The following MYBPHL variants were observed in gnomAD, a reference collection of about 807,000 sequenced individuals.
The protein encoded by MYBPHL is myosin-binding protein H-like.
A neutral mutation model predicts 39.5 loss-of-function variants in MYBPHL; 32 were observed. The observed-to-expected ratio is 0.81, with a 90% CI of 0.61 to 1.09. The LOEUF (loss-of-function observed/expected upper bound fraction) is 1.09, where lower values mean the gene tolerates loss of function less well. Among genes scored for constraint, MYBPHL ranks in the 50% least tolerant of loss-of-function variants. The probability of loss-of-function intolerance (pLI) is 0.00; values close to 1 mark genes in which losing one functional copy is unlikely to be tolerated. For missense variants in MYBPHL, 456 were observed against 460.2 expected (o/e 0.99, Z 0.08); for synonymous variants, 196 against 183.7 (o/e 1.07, Z -0.54).
At chr1:109,297,393 C>G in intron 3 of MYBPHL, 29 bp downstream of exon 3, 2 of 1,596,246 alleles carry the variant, frequency 1.3e-6, no homozygotes, top group South Asian at 2.3e-5. Flanking sequence ...TCCTGAGGAC[C>G]CCCCCATCTC....
Position 109,295,288 on chromosome 1 carries a change from T to C in MYBPHL, c.877A>G (p.Ile293Val). ...ATATCCATCTTGTTCTTCAGCCAGATGATCTTGGGCTGGAAGACAAAGATG... is the reference window on the plus strand; with the variant it reads ...ATATCCATCTTGTTCTTCAGCCAGACGATCTTGGGCTGGAAGACAAAGATG... ...CVRASPRPKI[I>V]WLKNKMDIQG... Residue 293 changes from isoleucine to valine, a missense_variant, in exon 7 of 9, where the codon ATC becomes GTC. Physicochemically the swap from Ile to Val is conservative, Grantham distance 29 (BLOSUM62 3). Coordinates refer to ENST00000357155, the MANE Select transcript of MYBPHL (RefSeq NM_001010985.3). 6.2e-7 allele frequency: 1 copy of C among 1,613,850 alleles called. No homozygotes were observed. The highest frequency in any genetic ancestry group is 8.5e-7 in the Non-Finnish European group (1 of 1,179,846).
chr1:109,301,462 C>T (rs781724535), intron 1 of MYBPHL, among the ~76,000 whole-genome samples: 71 of 152,226 alleles, frequency 4.7e-4, no homozygotes, highest in Middle Eastern at 6.8e-3. Flanking sequence ...TACTTCAGGC[C>T]GGGCGCAGTG....
At position 109,298,449 on chromosome 1, in the gene MYBPHL, G is replaced by A. The variant is rs61290234; in HGVS notation, c.146-192C>T. Among the ~76,000 whole-genome samples, 4,786 of 152,196 alleles carry A rather than the reference G, an allele frequency of 0.031. 264 individuals carry two copies. Among genetic ancestry groups the A allele is most frequent in the African/African-American group, 0.11 (4,559 of 41,496 alleles). On this transcript the variant is annotated intron_variant, in intron 1 of 8. Transcript: ENST00000357155. ...AGGGGTTGGCTTAAGGAACACCCCG[G>A]GAAACATTAAAGTCTCAGCAGAAGG... is the stretch of plus-strand genomic sequence containing the variant.
In MYBPHL at chr1:109,296,993, C is replaced by T. The variant is rs763277166; in HGVS notation, c.571-51G>A. The T allele has an allele frequency of 3.1e-6, 5 of 1,613,926 alleles. No individual in the cohort carries two copies. In the South Asian group the frequency reaches 5.5e-5, roughly 18 times the overall value. ...AATCAGCCACCCCATGTGGAGCTAC[C>T]AGAGGCCTGTCCCAACATGCCCTCT... On this transcript the variant is annotated intron_variant, in intron 4 of 8. Transcript: ENST00000357155.
At chr1:109,306,016 A>C (rs1245111421) in intron 1 of MYBPHL, among the ~76,000 whole-genome samples, 1 of 152,242 alleles carries the variant, frequency 6.6e-6, no homozygotes, top group East Asian at 1.9e-4. Context: ...TAGAGGCGGC[A>C]CTAGGAATTG....
chr1:109,300,410 A>G (rs1251725035), intron 1 of MYBPHL, among the ~76,000 whole-genome samples: 2 of 152,198 alleles, frequency 1.3e-5, no homozygotes, highest in African/African-American at 2.4e-5. Flanking sequence ...GGCGGGGGCT[A>G]GACATACCCA....
chr1:109,300,240 G>T (rs138612976), intron 1 of MYBPHL, among the ~76,000 whole-genome samples: 1 of 152,282 alleles, frequency 6.6e-6, no homozygotes, highest in East Asian at 1.9e-4. Flanking sequence ...GACGTGCCTG[G>T]CACCAGAGAC....
chr1:109,297,728 G>A (rs1336789298), intron 2 of MYBPHL, 111 bp from the exon 3 acceptor site: 5 of 967,418 alleles, frequency 5.2e-6, no homozygotes, highest in Admixed American at 5.6e-5. Context: ...ACTTGGAGCT[G>A]CACATTCCTT....
chr1:109,298,933 C>T (rs1658184520), intron 1 of MYBPHL, among the ~76,000 whole-genome samples: 1 of 152,194 alleles, frequency 6.6e-6, no homozygotes, highest in African/African-American at 2.4e-5. Flanking sequence ...TCCCTTTGAT[C>T]TCACAGGTCT....
rs1557763067 is a variant in MYBPHL, at chr1:109,296,957, A to G, written c.571-15T>C. 5.6e-6 allele frequency: 9 copies of G among 1,613,982 alleles called. No homozygotes were observed. Among genetic ancestry groups the G allele is most frequent in the Non-Finnish European group, 7.6e-6 (9 of 1,179,878 alleles). ...GTGAACCACAGCTGCGGGGCCGAAC[A>G]TGATGCCAGAAATCAGCCACCCCAT... On this transcript the variant is annotated splice_polypyrimidine_tract_variant and intron_variant, in intron 4 of 8. Transcript: ENST00000357155.
At chr1:109,306,068 T>C (rs758224811) in intron 1 of MYBPHL, among the ~76,000 whole-genome samples, 4 of 152,230 alleles carry the variant, frequency 2.6e-5, no homozygotes, top group East Asian at 1.9e-4. Context: ...TCTTTTCCCC[T>C]GCCTCTTCCT....
At chr1:109,297,300 C>G in intron 3 of MYBPHL, 111 bp from the exon 4 acceptor site, 3 of 1,570,346 alleles carry the variant, frequency 1.9e-6, no homozygotes, top group Non-Finnish European at 2.6e-6. Flanking sequence ...TGCGCCCACC[C>G]TGTGTCCCAG....
intron 5 of MYBPHL, 138 bp downstream of exon 5, chr1:109,296,645 T>A (rs190499461): frequency 1.1e-3 from 1,134 of 1,036,026 alleles, no homozygotes; most frequent in Non-Finnish European, 1.5e-3. Context: ...CACCATGTTG[T>A]CCAGGCTGGT....
rs754796108 is a variant in MYBPHL at position 109,297,045 on chromosome 1, C to G, written c.570+5G>C. The G allele has an allele frequency of 6.2e-7, 1 of 1,614,148 alleles. No individual in the cohort carries two copies. Among genetic ancestry groups the G allele is most frequent in the Non-Finnish European group, 8.5e-7 (1 of 1,180,026 alleles). ...CCACCCTCCTTCCTTCCCAGCTGGC[C>G]TCACCCCGGATTTTGTGTCAGCCTT... On this transcript the variant is annotated splice_donor_5th_base_variant and intron_variant, in intron 4 of 8. Coordinates refer to ENST00000357155, the MANE Select transcript of MYBPHL (RefSeq NM_001010985.3).
intron 1 of MYBPHL, among the ~76,000 whole-genome samples, chr1:109,303,183 T>C (rs1002064306): frequency 2.0e-5 from 3 of 152,236 alleles, no homozygotes; most frequent in Non-Finnish European, 4.4e-5. Flanking sequence ...TTTATCCCTT[T>C]AGCTCACTTC....
intron 8 of MYBPHL, among the ~76,000 whole-genome samples, chr1:109,293,579 TA>T (rs796606696): frequency 9.4e-4 from 134 of 142,610 alleles, no homozygotes; most frequent in African/African-American, 2.2e-3. Flanking sequence ...CCGTCTCTAC[TA>T]AAAAAAAAAA....
intron 1 of MYBPHL, among the ~76,000 whole-genome samples, chr1:109,300,829 T>C (rs935256316): frequency 5.3e-5 from 8 of 152,144 alleles, no homozygotes; most frequent in African/African-American, 1.9e-4. Flanking sequence ...CATTGCCGGT[T>C]CTCTGCTTAT....
In MYBPHL at chr1:109,306,852, A is replaced by G; in HGVS notation, c.140T>C (p.Ile47Thr). The G allele has an allele frequency of 6.3e-7, 1 of 1,579,776 alleles. No individual in the cohort carries two copies. Among genetic ancestry groups the G allele is most frequent in the South Asian group, 1.2e-5 (1 of 86,344 alleles). The change falls in exon 1 of 9, where the codon ATA becomes ACA. Residue 47 changes from isoleucine (I) to threonine (T), a missense_variant. By Grantham distance (89) the Ile-to-Thr change is moderately conservative. Transcript: ENST00000357155. ...GSPTPQLLPP[I>T]EEHPKIWLPR... The stretch of plus-strand genomic sequence containing the variant: ...CCCCACCTGCCATGGGTCACCTTCT[A>G]TAGGGGGCAGGAGCTGGGGAGTGGG...
rs1045427727 is a variant in MYBPHL, at chr1:109,297,294, C to T, written c.431-105G>A. 2.5e-6 allele frequency: 4 copies of T among 1,574,036 alleles called. No homozygotes were observed. The East Asian group carries it at 6.7e-5, about 27-fold the overall frequency. On this transcript the variant is annotated intron_variant, in intron 3 of 8. Coordinates refer to ENST00000357155, the MANE Select transcript of MYBPHL (RefSeq NM_001010985.3). ...TTTCTCCTCAGTTACCCCTCCTGCGCCCACCCTGTGTCCCAGACATGACGT... is the reference window on the plus strand; with the variant it reads ...TTTCTCCTCAGTTACCCCTCCTGCGTCCACCCTGTGTCCCAGACATGACGT...
Sources: gnomAD v4.1 joint callset for allele counts (sites outside exome capture counted in the v4.1 genomes callset) on GRCh38, gnomAD v4.1.1 for gene constraint, MANE v1.5 for transcripts, NCBI Gene and HGNC (gene_info 2026-07-23, HGNC 2026-07-21) for gene names.